Variants in CORO7 observed in about 807,000 individuals in gnomAD.
CORO7 encodes the protein coronin-7.
A neutral mutation model predicts 126.6 loss-of-function variants in CORO7; 107 were observed. That is an observed-to-expected ratio of 0.85 (90% CI 0.72 to 0.99). The LOEUF (loss-of-function observed/expected upper bound fraction) is 0.99, where lower values mean the gene tolerates loss of function less well. CORO7 is among the 50% of genes least tolerant of loss of function. The probability of loss-of-function intolerance (pLI) is 0.00; values close to 1 mark genes in which losing one functional copy is unlikely to be tolerated. For missense variants in CORO7, 1,314 were observed against 1,255.8 expected, an observed-to-expected ratio of 1.05 and a Z score of -0.70; for synonymous variants, 603 against 536.8, an observed-to-expected ratio of 1.12 and a Z score of -1.70.
chr16:4,397,854 A>G (rs911957964), intron 6 of CORO7, among the ~76,000 whole-genome samples: 1 of 152,140 alleles, frequency 6.6e-6, no homozygotes, highest in Non-Finnish European at 1.5e-5. Flanking sequence ...ACCTCAGGTA[A>G]TCTGCCTGCC....
At chr16:4,382,353 G>C (rs2055014590) in intron 9 of CORO7, 7 of 1,612,050 alleles carry the variant, frequency 4.3e-6, no homozygotes, top group Non-Finnish European at 5.9e-6. Flanking sequence ...TGCAGCTCAG[G>C]AGCCTCCGTC....
chr16:4,407,488 G>C lies in CORO7; in HGVS notation c.487+13C>G, dbSNP rs571796626. 1.3e-5 allele frequency: 20 copies of C among 1,560,680 alleles called. No homozygotes were observed. The highest frequency in any genetic ancestry group is 5.4e-5 in the African/African-American group (4 of 73,600). ...GGGCTGCCCTGGGAAGGGCAGGCCA[G>C]GGTGGCCTGTACCTGTCAGGGGCTG... is the stretch of plus-strand genomic sequence containing the variant. On this transcript the variant is annotated intron_variant, in intron 5 of 27. Coordinates refer to ENST00000251166, the MANE Select transcript of CORO7 (RefSeq NM_024535.5).
In CORO7 at chr16:4,358,094, A is replaced by G. The variant is rs1420615409; in HGVS notation, c.2467T>C (p.Phe823Leu). 36 of 1,611,914 alleles carry G rather than the reference A, an allele frequency of 2.2e-5. No homozygotes were observed. The highest frequency in any genetic ancestry group is 3.1e-5 in the Non-Finnish European group (36 of 1,178,638). Residue 823 changes from phenylalanine (F) to leucine (L), a missense_variant, in exon 25 of 28, where the codon TTC becomes CTC. Coordinates refer to ENST00000251166, the MANE Select transcript of CORO7 (RefSeq NM_024535.5). ...GTGTCTGGGAACACGTCATCCTGGAAGAACTCTTTCTGCAGAGGGAGAAAC... is the reference window on the plus strand; with the variant it reads ...GTGTCTGGGAACACGTCATCCTGGAGGAACTCTTTCTGCAGAGGGAGAAAC... The part of the protein sequence containing the change: ...FRLPRVRKEF[F>L]QDDVFPDTAV...
intron 3 of CORO7, among the ~76,000 whole-genome samples, chr16:4,409,434 G>A (rs576917559): frequency 3.0e-4 from 45 of 152,358 alleles, no homozygotes; most frequent in African/African-American, 1.0e-3. Context: ...AGGCGTGAAT[G>A]AGATGTGATG....
intron 7 of CORO7, among the ~76,000 whole-genome samples, chr16:4,391,323 A>C (rs1050151073): frequency 6.6e-6 from 1 of 152,192 alleles, no homozygotes; most frequent in African/African-American, 2.4e-5. Flanking sequence ...TGGGAGGCCG[A>C]GGCGGGTGGA....
intron 6 of CORO7, among the ~76,000 whole-genome samples, chr16:4,404,935 G>A (rs1010883552): frequency 2.0e-5 from 3 of 152,022 alleles, no homozygotes; most frequent in Non-Finnish European, 2.9e-5. Flanking sequence ...TTACCCCTAC[G>A]GCAACAGGCA....
At position 4,358,487 on chromosome 16, in the gene CORO7, G is replaced by A. The variant is rs374660094; in HGVS notation, c.2341-4C>T. 6.3e-7 allele frequency: 1 copy of A among 1,583,622 alleles called. No homozygotes were observed. The highest frequency in any genetic ancestry group is 8.6e-7 in the Non-Finnish European group (1 of 1,161,236). ...TCTTAGGCAGGAGGACGAGGCCCTGGGGGAGCAAGGGAGTCGGAGCTGCCG... is the reference window on the plus strand; with the variant it reads ...TCTTAGGCAGGAGGACGAGGCCCTGAGGGAGCAAGGGAGTCGGAGCTGCCG... On this transcript the variant is annotated splice_polypyrimidine_tract_variant and splice_region_variant and intron_variant, in intron 23 of 27. Transcript: ENST00000251166.
chr16:4,415,824 G>A, intron 1 of CORO7: 2 of 985,664 alleles, frequency 2.0e-6, no homozygotes, highest in Non-Finnish European at 2.4e-6. Context: ...ACCTGGCTCA[G>A]CAATTCTTTG....
At chr16:4,380,863 T>C in intron 9 of CORO7, 1 of 1,493,122 alleles carries the variant, frequency 6.7e-7, no homozygotes, top group East Asian at 2.3e-5. Flanking sequence ...TCCTCTCTGC[T>C]CCCAGGGACA....
Position 4,359,847 on chromosome 16 carries a change from C to T in CORO7, c.2109-226G>A, listed in dbSNP as rs144534020. 2.1e-3 allele frequency among the ~76,000 whole-genome samples: 318 copies of T among 151,664 alleles called. 1 individual carries two copies. The highest frequency in any genetic ancestry group is 3.4e-3 in the Middle Eastern group (1 of 294). ...ATCCATCTACCCCTGACTGCCTCAC[C>T]GCCCCTGCTTCCATCTCCCCCAGAG... On this transcript the variant is annotated intron_variant, in intron 21 of 27. Coordinates refer to ENST00000251166, the MANE Select transcript of CORO7 (RefSeq NM_024535.5).
At chr16:4,361,823 G>T in intron 16 of CORO7, 162 bp downstream of exon 16, 1 of 1,156,570 alleles carries the variant, frequency 8.6e-7, no homozygotes, top group Non-Finnish European at 1.2e-6. Context: ...GGGGATAAAA[G>T]TGGCAGGCCC....
intron 3 of CORO7, among the ~76,000 whole-genome samples, chr16:4,408,570 C>G (rs552175609): frequency 6.6e-6 from 1 of 152,348 alleles, no homozygotes; most frequent in East Asian, 1.9e-4. Flanking sequence ...GCAGCACAGC[C>G]CACTGCTCCT....
rs953018655 is a variant in CORO7 at position 4,364,580 on chromosome 16, G to A, written c.1137+17C>T. On this transcript the variant is annotated intron_variant, in intron 13 of 27. Coordinates refer to ENST00000251166, the MANE Select transcript of CORO7 (RefSeq NM_024535.5). Reference sequence around the variant, plus strand: ...GACTCGGGGAGGCTGGGAGAGGTGAGCCAGCCCTGGTCCTACCTGCTGGTT... The same window carrying A: ...GACTCGGGGAGGCTGGGAGAGGTGAACCAGCCCTGGTCCTACCTGCTGGTT... 4 of 1,549,578 alleles carry A rather than the reference G, an allele frequency of 2.6e-6. No individual in the cohort carries two copies. The highest frequency in any genetic ancestry group is 3.5e-6 in the Non-Finnish European group (4 of 1,147,146).
At chr16:4,374,085 A>ATG (rs1420334581) in intron 9 of CORO7, among the ~76,000 whole-genome samples, 5 of 145,256 alleles carry the variant, frequency 3.4e-5, no homozygotes, top group African/African-American at 1.4e-4. Flanking sequence ...GGGAGGGTGC[A>ATG]CGTGTGTGTG....
intron 9 of CORO7, among the ~76,000 whole-genome samples, chr16:4,371,298 C>T (rs990993254): frequency 2.1e-4 from 32 of 152,242 alleles, no homozygotes; most frequent in African/African-American, 7.0e-4. Flanking sequence ...GGAGTTTATA[C>T]TTAGGAGGCT....
rs2056245676 is a variant in CORO7 at position 4,412,405 on chromosome 16, T to C, written c.183A>G (p.Gln61=). 1 of 1,614,050 alleles carries C rather than the reference T, an allele frequency of 6.2e-7. No individual in the cohort carries two copies. The highest frequency in any genetic ancestry group is 1.3e-5 in the African/African-American group (1 of 74,926). Residue 61 remains glutamine (Q), a synonymous_variant, in exon 3 of 28, where the codon CAA becomes CAG. Transcript: ENST00000251166. The stretch of plus-strand genomic sequence containing the variant: ...CGCGTCGCTTGTCCTCTCCTTGGCC[T>C]TGCAGAGGCACAATGCCCAGTACAC... ...RPGVLGIVPL[Q]GQGEDKRRVA... is the part of the protein sequence containing the mutation.
chr16:4,375,833 G>GT (rs542222501), intron 9 of CORO7, among the ~76,000 whole-genome samples: 4 of 152,052 alleles, frequency 2.6e-5, no homozygotes, highest in East Asian at 1.9e-4. Context: ...CAGCATGGAG[G>GT]TTTTTTTTAG....
Position 4,354,990 on chromosome 16 carries a change from C to A in CORO7, c.*168G>T. ...GAGACAGCAGAGGTGAAAACAGTCC[C>A]TGGGAACTGCCAGAGGCCCAGAGGA... On this transcript the variant is annotated 3_prime_UTR_variant, in exon 28 of 28. Coordinates refer to ENST00000251166, the MANE Select transcript of CORO7 (RefSeq NM_024535.5). 1.5e-6 allele frequency: 1 copy of A among 665,914 alleles called. No homozygotes were observed. Among genetic ancestry groups the A allele is most frequent in the Non-Finnish European group, 2.3e-6 (1 of 426,020 alleles). The allele number at this position is 665,914 out of a possible 1,614,324, so 41.3% of individuals were successfully genotyped here.
intron 9 of CORO7, among the ~76,000 whole-genome samples, chr16:4,384,028 A>C (rs1373515298): frequency 6.6e-6 from 1 of 152,162 alleles, no homozygotes; most frequent in Non-Finnish European, 1.5e-5. Context: ...ACTGCCCACC[A>C]TGGGCGCAGC....
Sources: gnomAD v4.1 joint callset for allele counts (sites outside exome capture counted in the v4.1 genomes callset) on GRCh38, gnomAD v4.1.1 for gene constraint, MANE v1.5 for transcripts, NCBI Gene and HGNC (gene_info 2026-07-23, HGNC 2026-07-21) for gene names.